Variants in PRKCH observed in about 807,000 individuals in gnomAD.
PRKCH encodes the protein protein kinase C eta type.
A neutral mutation model predicts 82.5 loss-of-function variants in PRKCH; 28 were observed. The observed-to-expected ratio is 0.34, with a 90% CI of 0.25 to 0.47. PRKCH has a LOEUF of 0.47. PRKCH is among the 20% of genes least tolerant of loss of function. The pLI, the probability that PRKCH is intolerant of heterozygous loss-of-function variation, is 1.00. For missense variants in PRKCH, 705 were observed against 881.8 expected (o/e 0.80, Z 2.54); for synonymous variants, 322 against 327.4 (o/e 0.98, Z 0.18).
intron 5 of PRKCH, 94 bp downstream of exon 5, chr14:61,449,346 CT>C (rs1309736004): frequency 1.9e-6 from 2 of 1,075,786 alleles, no homozygotes; most frequent in Middle Eastern, 2.0e-4. Context: ...TTTCCTCCCC[CT>C]CTTTTCCTTC....
At chr14:61,233,664 T>TA (rs2044762950) in intron 1 of PRKCH, among the ~76,000 whole-genome samples, 1 of 152,194 alleles carries the variant, frequency 6.6e-6, no homozygotes, top group Non-Finnish European at 1.5e-5. Flanking sequence ...ACCCTCATGC[T>TA]GTTCTTATAA....
rs141500249 is a variant in PRKCH, at chr14:61,343,720, A to C, written c.363+21256A>C. ...TAAAATTGGCTTAAAAATTTTAAGT[A>C]CAAAGACATTTCAGAAGAGTTTTGT... On this transcript the variant is annotated intron_variant, in intron 1 of 13. Coordinates refer to ENST00000332981, the MANE Select transcript of PRKCH (RefSeq NM_006255.5). Among the ~76,000 whole-genome samples the C allele has an allele frequency of 4.3e-4, 66 of 152,374 alleles. No homozygotes were observed. In the East Asian group the frequency reaches 8.3e-3, roughly 19 times the overall value.
At chr14:61,253,966 C>T (rs117865085) in intron 1 of PRKCH, among the ~76,000 whole-genome samples, 3,995 of 131,236 alleles carry the variant, frequency 0.03, 109 homozygotes, top group Non-Finnish European at 0.042. Flanking sequence ...CTTCCTTCTT[C>T]CCTCCCTCCC....
At chr14:61,300,298 A>C (rs1002340612) in intron 1 of PRKCH, among the ~76,000 whole-genome samples, 2 of 152,352 alleles carry the variant, frequency 1.3e-5, no homozygotes, top group Non-Finnish European at 2.9e-5. Context: ...CAAAGGAAAA[A>C]ATGTTTAAAT....
chr14:61,317,625 C>G (rs1326493453), upstream of PRKCH, among the ~76,000 whole-genome samples: 1 of 152,160 alleles, frequency 6.6e-6, no homozygotes, highest in Non-Finnish European at 1.5e-5. Flanking sequence ...ATCATTTGAC[C>G]TAGCAGACAA....
rs750503358 is a variant in PRKCH at position 61,457,237 on chromosome 14, G to A, written c.1022G>A (p.Gly341Glu). ...QGKESSKEGN[G>E]IGVNSSNRLG... The stretch of plus-strand genomic sequence containing the variant: ...AAGGAGAGCAGCAAAGAAGGAAATG[G>A]GATTGGGGTTAATTCTTCCAACCGA... Residue 341 changes from glycine (G) to glutamate (E), a missense_variant, in exon 8 of 14, where the codon GGG (glycine) becomes GAG (glutamate). This residue lies in a region of PRKCH where 238 missense variants were observed against 258.1 expected (regional missense o/e 0.92). Transcript: ENST00000332981. The A allele has an allele frequency of 5.6e-6, 9 of 1,614,180 alleles. No individual in the cohort carries two copies. The South Asian group carries it at 9.9e-5, about 18-fold the overall frequency.
chr14:61,528,746 G>A (rs1452171109), intron 10 of PRKCH: 1 of 192,104 alleles, frequency 5.2e-6, no homozygotes, highest in Non-Finnish European at 1.1e-5. Flanking sequence ...ATGGGGTATA[G>A]GCTGAGTATG....
At chr14:61,542,845 T>A (rs1325481471) in intron 12 of PRKCH, among the ~76,000 whole-genome samples, 5 of 152,226 alleles carry the variant, frequency 3.3e-5, no homozygotes, top group African/African-American at 1.2e-4. Context: ...ACAGAGTGTT[T>A]AGGGACAGTC....
At chr14:61,335,718 T>A (rs2045848415) in intron 1 of PRKCH, among the ~76,000 whole-genome samples, 1 of 152,252 alleles carries the variant, frequency 6.6e-6, no homozygotes, top group Non-Finnish European at 1.5e-5. Context: ...AGATAATGCC[T>A]ATTTTGGCAT....
At chr14:61,488,915 C>T (rs1197137691) in intron 10 of PRKCH, among the ~76,000 whole-genome samples, 2 of 152,196 alleles carry the variant, frequency 1.3e-5, no homozygotes, top group African/African-American at 2.4e-5. Flanking sequence ...GGACTTGAAT[C>T]CCATGTTCAG....
Position 61,541,285 on chromosome 14 carries a change from C to T in PRKCH, c.1762-6458C>T, listed in dbSNP as rs117954798. 3.9e-3 allele frequency among the ~76,000 whole-genome samples: 594 copies of T among 152,394 alleles called. 7 individuals are homozygous for T. The highest frequency in any genetic ancestry group is 0.028 in the East Asian group (146 of 5,194). On this transcript the variant is annotated intron_variant, in intron 12 of 13. Coordinates refer to ENST00000332981, the MANE Select transcript of PRKCH (RefSeq NM_006255.5). Reference sequence around the variant, plus strand: ...CAGACACGCGCCTGCAACACGCATGCGTGGTGTGCTTCTCGTCAGCCCCAG... The same window carrying T: ...CAGACACGCGCCTGCAACACGCATGTGTGGTGTGCTTCTCGTCAGCCCCAG...
chr14:61,458,482 C>T (rs950387291), intron 9 of PRKCH, among the ~76,000 whole-genome samples: 3 of 152,140 alleles, frequency 2.0e-5, no homozygotes, highest in Non-Finnish European at 4.4e-5. Flanking sequence ...GCATCCAAAG[C>T]AGAAAGCATA....
chr14:61,382,479 A>G (rs1437766942), intron 1 of PRKCH, among the ~76,000 whole-genome samples: 1 of 152,000 alleles, frequency 6.6e-6, no homozygotes, highest in Non-Finnish European at 1.5e-5. Flanking sequence ...AACCAATACA[A>G]TCTCATTTTT....
intron 9 of PRKCH, among the ~76,000 whole-genome samples, chr14:61,465,905 T>C (rs1037420932): frequency 3.9e-5 from 6 of 152,234 alleles, no homozygotes; most frequent in Non-Finnish European, 8.8e-5. Flanking sequence ...CCTTATAAGA[T>C]AGGTGCAATT....
At chr14:61,369,529 A>G (rs982879316) in intron 1 of PRKCH, among the ~76,000 whole-genome samples, 11 of 152,112 alleles carry the variant, frequency 7.2e-5, no homozygotes, top group Admixed American at 2.0e-4. Context: ...TAACAGTTAC[A>G]TCTTAACTTT....
chr14:61,417,331 CTAACTGAAAGCACCTGATTTCTAGGGCTT>C (rs910126335), intron 2 of PRKCH, among the ~76,000 whole-genome samples: 7 of 152,132 alleles, frequency 4.6e-5, no homozygotes, highest in Non-Finnish European at 8.8e-5. Context: ...CATTGTTGGT[CTAACTGAAAGCACCTGATTTCTAGGGCTT>C]TAACTGAAAG....
At chr14:61,413,399 A>C (rs1247707007) in intron 2 of PRKCH, among the ~76,000 whole-genome samples, 10 of 42,218 alleles carry the variant, frequency 2.4e-4, no homozygotes, top group Non-Finnish European at 3.5e-4. Context: ...ATTTCTTTTT[A>C]AGCGCCCCCC....
At position 61,323,540 on chromosome 14, in the gene PRKCH, G is replaced by A. The variant is rs1594912004; in HGVS notation, c.363+1076G>A. On this transcript the variant is annotated intron_variant, in intron 1 of 13. Coordinates refer to ENST00000332981, the MANE Select transcript of PRKCH (RefSeq NM_006255.5). ...TATTGAAAATGTTTGAAATTTACAA[G>A]TGGTGAAATCAGATGGATGGTGATG... Among the ~76,000 whole-genome samples the A allele has an allele frequency of 2.6e-5, 4 of 152,190 alleles. No homozygotes were observed. The East Asian group carries it at 7.7e-4, about 29-fold the overall frequency.
At chr14:61,190,845 C>T (rs1353157322) in intron 1 of PRKCH, among the ~76,000 whole-genome samples, 2 of 152,194 alleles carry the variant, frequency 1.3e-5, no homozygotes, top group African/African-American at 2.4e-5. Context: ...GTAGCACCCA[C>T]ACCCCACCCC....
Sources: gnomAD v4.1 joint callset for allele counts (sites outside exome capture counted in the v4.1 genomes callset) on GRCh38, gnomAD v4.1.1 for gene constraint, gnomAD v4.1.1 regional missense constraint, MANE v1.5 for transcripts, NCBI Gene and HGNC (gene_info 2026-07-23, HGNC 2026-07-21) for gene names.